TAFA1: variants seen among roughly 807,000 people sequenced by gnomAD.
TAFA1 encodes TAFA chemokine like family member 1.
TAFA1 carries 4 observed loss-of-function variants against 18.5 expected under a neutral mutation model. That is an observed-to-expected ratio of 0.22 (90% confidence interval 0.11 to 0.49). The LOEUF is 0.49. Among genes scored for constraint, TAFA1 ranks in the 20% least tolerant of loss-of-function variants. TAFA1 has a pLI of 0.98. For synonymous variants in TAFA1, 56 were observed against 55.2 expected, an observed-to-expected ratio of 1.01 and a Z score of -0.06; for missense variants, 147 against 169.0, an observed-to-expected ratio of 0.87 and a Z score of 0.72.
the TAFA1 span, among the ~76,000 whole-genome samples, chr3:67,997,863 A>G: frequency 3.9e-5 from 6 of 152,122 alleles, no homozygotes; most frequent in Non-Finnish European, 8.8e-5. Flanking sequence ...ATCAACCACA[A>G]TTAACAAGCA....
intron 2 of TAFA1, among the ~76,000 whole-genome samples, chr3:68,304,066 T>C (rs2068361563): frequency 6.6e-6 from 1 of 152,176 alleles, no homozygotes; most frequent in Admixed American, 6.5e-5. Context: ...TTGAAAATGA[T>C]AGAAATCTGA....
At chr3:68,519,492 G>T (rs774500688) in intron 3 of TAFA1, among the ~76,000 whole-genome samples, 1 of 152,198 alleles carries the variant, frequency 6.6e-6, no homozygotes, top group African/African-American at 2.4e-5. Flanking sequence ...CAACTACTTT[G>T]CCTAGTATGA....
At chr3:68,397,851 G>A (rs1209127247) in intron 2 of TAFA1, among the ~76,000 whole-genome samples, 1 of 151,944 alleles carries the variant, frequency 6.6e-6, no homozygotes, top group African/African-American at 2.4e-5. Context: ...AATTTATTTT[G>A]CTGTGCAGAA....
At chr3:68,113,894 TTTG>T (rs368923488) in intron 2 of TAFA1, among the ~76,000 whole-genome samples, 28,249 of 50,658 alleles carry the variant, frequency 0.56, 6,059 homozygotes, top group Non-Finnish European at 0.59. Context: ...TGTAGTTTTT[TTTG>T]TTTTTTTTTT....
chr3:68,256,124 A>G (rs545003508), intron 2 of TAFA1, among the ~76,000 whole-genome samples: 1 of 152,226 alleles, frequency 6.6e-6, no homozygotes, highest in East Asian at 1.9e-4. Flanking sequence ...GCACCTTTAG[A>G]CTGAGGCATT....
intron 2 of TAFA1, among the ~76,000 whole-genome samples, chr3:68,127,464 G>A (rs2065477395): frequency 6.6e-6 from 1 of 151,878 alleles, no homozygotes; most frequent in Admixed American, 6.6e-5. Flanking sequence ...TGGTTATAAT[G>A]TTGTATAATA....
rs1427876518 is a variant in TAFA1, at chr3:68,545,587, A to G, written c.*1084A>G. On this transcript the variant is annotated 3_prime_UTR_variant, in exon 5 of 5. Coordinates refer to ENST00000478136, the MANE Select transcript of TAFA1 (RefSeq NM_213609.4). Reference sequence around the variant, plus strand: ...TGATCTATGTGACCAAATGTTGGACAGCCCTATTAAAGTGGTAAACAACTT... The same window carrying G: ...TGATCTATGTGACCAAATGTTGGACGGCCCTATTAAAGTGGTAAACAACTT... 1 of 152,620 alleles carries G rather than the reference A, an allele frequency of 6.6e-6. No individual in the cohort carries two copies. The highest frequency in any genetic ancestry group is 1.5e-5 in the Non-Finnish European group (1 of 68,028). 9.5% of individuals were successfully genotyped at this position (152,620 alleles called of 1,614,324 possible). A position where few individuals can be genotyped will look rare whatever the true frequency, so the allele number is the denominator to read the frequency against.
intron 3 of TAFA1, among the ~76,000 whole-genome samples, chr3:68,499,246 A>G (rs1356013050): frequency 7.0e-6 from 1 of 143,406 alleles, no homozygotes; most frequent in Non-Finnish European, 1.5e-5. Context: ...TTTCATAGAA[A>G]CTCTTTATAT....
At position 68,290,701 on chromosome 3, in the gene TAFA1, A is replaced by G. The variant is rs75181673; in HGVS notation, c.119-126579A>G. ...ATTCTCTTCTCTTCACATAAGTCAA[A>G]AGATATATCTAATTTTCTCCTTAAT... On this transcript the variant is annotated intron_variant, in intron 2 of 4. Coordinates refer to ENST00000478136, the MANE Select transcript of TAFA1 (RefSeq NM_213609.4). Among the ~76,000 whole-genome samples, 950 of 152,244 alleles carry G rather than the reference A, an allele frequency of 6.2e-3. 9 individuals carry two copies. Among genetic ancestry groups the G allele is most frequent in the African/African-American group, 0.021 (891 of 41,562 alleles).
At chr3:68,134,072 AAAAAAAAAAAACAATGAG>A (rs2065576607) in intron 2 of TAFA1, among the ~76,000 whole-genome samples, 1 of 135,448 alleles carries the variant, frequency 7.4e-6, no homozygotes, top group African/African-American at 2.6e-5. Flanking sequence ...AACTGGAAAA[AAAAAAAAAAAACAATGAG>A]AAAAAAAAAA....
chr3:68,314,492 A>G lies in TAFA1; in HGVS notation c.119-102788A>G, dbSNP rs1272096987. ...CACAGATTGTTGTCAAATATACATC[A>G]TTAGATAAGATAAAAATGATTGACA... is the stretch of plus-strand genomic sequence containing the variant. On this transcript the variant is annotated intron_variant, in intron 2 of 4. Transcript: ENST00000478136. Among the ~76,000 whole-genome samples the G allele has an allele frequency of 3.9e-5, 6 of 152,330 alleles. No homozygotes were observed. In the East Asian group the frequency reaches 9.6e-4, roughly 24 times the overall value.
At chr3:68,428,898 A>C (rs1318981742) in intron 3 of TAFA1, among the ~76,000 whole-genome samples, 2 of 151,950 alleles carry the variant, frequency 1.3e-5, no homozygotes, top group Non-Finnish European at 2.9e-5. Flanking sequence ...GCTTTATGCC[A>C]GATGCCTCTT....
At chr3:68,036,622 G>A (rs1198806126) in intron 2 of TAFA1, among the ~76,000 whole-genome samples, 1 of 152,102 alleles carries the variant, frequency 6.6e-6, no homozygotes, top group Non-Finnish European at 1.5e-5. Flanking sequence ...ATTCCTGGAT[G>A]TCAAGTTTGG....
intron 2 of TAFA1, among the ~76,000 whole-genome samples, chr3:68,372,946 G>A (rs373391955): frequency 7.2e-5 from 11 of 152,110 alleles, no homozygotes; most frequent in South Asian, 2.1e-4. Context: ...CAGGAAGGCC[G>A]CTGCCTGTTC....
At chr3:68,538,975 G>A in intron 4 of TAFA1, 95 bp downstream of exon 4, 2 of 1,306,986 alleles carry the variant, frequency 1.5e-6, no homozygotes, top group Non-Finnish European at 2.1e-6. Flanking sequence ...CTTTGCACAG[G>A]AGAGAAGATT....
At chr3:68,357,874 T>G (rs766772099) in intron 2 of TAFA1, among the ~76,000 whole-genome samples, 3 of 151,938 alleles carry the variant, frequency 2.0e-5, no homozygotes, top group African/African-American at 7.2e-5. Context: ...ATTTGGGATC[T>G]TGGAAATTGG....
At chr3:68,372,365 T>C (rs1022710144) in intron 2 of TAFA1, among the ~76,000 whole-genome samples, 1 of 152,092 alleles carries the variant, frequency 6.6e-6, no homozygotes, top group South Asian at 2.1e-4. Flanking sequence ...TACACGCAAG[T>C]AAAGACAAGA....
chr3:68,107,198 A>G (rs2106828882), intron 2 of TAFA1, among the ~76,000 whole-genome samples: 1 of 152,234 alleles, frequency 6.6e-6, no homozygotes, highest in Middle Eastern at 3.4e-3. Context: ...AGGAATTGGC[A>G]AATGCTACAA....
At chr3:68,247,942 A>G (rs1362636578) in intron 2 of TAFA1, 1 of 152,214 alleles carries the variant, frequency 6.6e-6, no homozygotes, top group Non-Finnish European at 1.5e-5. Context: ...TAATTTTGGA[A>G]AGGTAACTTA....
Sources: gnomAD v4.1 joint callset for allele counts (sites outside exome capture counted in the v4.1 genomes callset) on GRCh38, gnomAD v4.1.1 for gene constraint, MANE v1.5 for transcripts, NCBI Gene and HGNC (gene_info 2026-07-23, HGNC 2026-07-21) for gene names.